The following ADNP variants were observed in gnomAD, a reference collection of about 807,000 sequenced individuals.
The protein encoded by ADNP is activity dependent neuroprotector homeobox, also known as activity-dependent neuroprotector homeobox protein.
Under a neutral mutation model 84.9 loss-of-function variants are expected in ADNP, and 4 were observed. That is an observed-to-expected ratio of 0.05 (90% CI 0.02 to 0.11). The LOEUF is 0.11. Ranked by LOEUF, ADNP falls within the 10% of genes least tolerant of loss-of-function variation. The pLI is 1.00. For synonymous variants in ADNP, 554 were observed against 468.1 expected (o/e 1.18, Z -2.37); for missense variants, 1,132 against 1,326.0 (o/e 0.85, Z 2.27).
At chr20:50,898,129 G>A (rs1981603822) in intron 5 of ADNP, among the ~76,000 whole-genome samples, 1 of 152,180 alleles carries the variant, frequency 6.6e-6, no homozygotes. Flanking sequence ...TTCCAGAATA[G>A]AAAGGTTTCA....
Position 50,894,641 on chromosome 20 carries a change from T to C in ADNP, c.202-129A>G, listed in dbSNP as rs1261380114. The C allele has an allele frequency of 1.4e-5, 14 of 1,009,188 alleles. No individual in the cohort carries two copies. In the East Asian group the frequency reaches 3.8e-4, roughly 27 times the overall value. 62.5% of individuals were successfully genotyped at this position (1,009,188 alleles called of 1,614,324 possible). A position where few individuals can be genotyped will look rare whatever the true frequency, so the allele number is the denominator to read the frequency against. Reference sequence around the variant, plus strand: ...CGCGCGTGGTGGCTCACGCCTGTAATCCCAGCACTTTGGGAGGCTGAGGTG... The same window carrying C: ...CGCGCGTGGTGGCTCACGCCTGTAACCCCAGCACTTTGGGAGGCTGAGGTG... On this transcript the variant is annotated intron_variant, in intron 5 of 5. Coordinates refer to ENST00000621696, the MANE Select transcript of ADNP (RefSeq NM_001282531.3).
chr20:50,907,549 GCAC>G (rs1393018485), intron 2 of ADNP, among the ~76,000 whole-genome samples: 3 of 152,104 alleles, frequency 2.0e-5, no homozygotes, highest in Admixed American at 2.0e-4. Context: ...TTACAGGCGT[GCAC>G]CACCATGCCT....
At chr20:50,898,951 CTA>C (rs759410052) in intron 5 of ADNP, among the ~76,000 whole-genome samples, 7 of 152,200 alleles carry the variant, frequency 4.6e-5, no homozygotes, top group Non-Finnish European at 8.8e-5. Flanking sequence ...GCATATGGGA[CTA>C]TGTTCCCCCA....
Position 50,891,834 on chromosome 20 carries a change from G to A in ADNP, c.2880C>T (p.Asp960=), listed in dbSNP as rs534353954. The part of the protein sequence containing the change: ...HNASDSEVDQ[D]DVVEWKDGAS... The stretch of plus-strand genomic sequence containing the variant: ...CACCGTCTTTCCACTCAACAACATC[G>A]TCTTGGTCAACCTCACTATCAGATG... The change falls in exon 6 of 6, where the codon GAC becomes GAT. Residue 960 remains aspartate, a synonymous_variant. Coordinates refer to ENST00000621696, the MANE Select transcript of ADNP (RefSeq NM_001282531.3). 19 of 1,614,188 alleles carry A rather than the reference G, an allele frequency of 1.2e-5. No homozygotes were observed. The highest frequency in any genetic ancestry group is 8.8e-5 in the South Asian group (8 of 91,078).
In ADNP at chr20:50,897,309, G is replaced by A. The variant is rs1002410021; in HGVS notation, c.202-2797C>T. Among the ~76,000 whole-genome samples the A allele has an allele frequency of 2.0e-5, 3 of 152,242 alleles. No individual in the cohort carries two copies. The Middle Eastern group carries it at 0.01, about 518-fold the overall frequency. On this transcript the variant is annotated intron_variant, in intron 5 of 5. Coordinates refer to ENST00000621696, the MANE Select transcript of ADNP (RefSeq NM_001282531.3). ...AAATCCTTCACTGAATTTTCTTGAG[G>A]GTTCTTCTTTTGCTTTTCCTGCAGT...
intron 2 of ADNP, chr20:50,913,959 G>T: frequency 1.4e-6 from 1 of 710,050 alleles, no homozygotes; most frequent in Non-Finnish European, 2.6e-6. Context: ...CTCCTCTTCA[G>T]ACTGCTGTTT....
chr20:50,911,500 CTTTT>C (rs1983030798), intron 2 of ADNP, among the ~76,000 whole-genome samples: 1 of 148,468 alleles, frequency 6.7e-6, no homozygotes. Context: ...ACCCAGATTT[CTTTT>C]CTTTTCTTTT....
rs1345554787 is a variant in ADNP, at chr20:50,891,291, CCA to C, written c.*112_*113del. The C allele has an allele frequency of 3.5e-6, 5 of 1,432,772 alleles. No individual in the cohort carries two copies. The highest frequency in any genetic ancestry group is 2.7e-6 in the Non-Finnish European group (3 of 1,099,420). 88.8% of individuals were successfully genotyped at this position (1,432,772 alleles called of 1,614,324 possible). A position where few individuals can be genotyped will look rare whatever the true frequency, so the allele number is the denominator to read the frequency against. ...ACTGGAACTGCAGCGGCCACATGCC[CCA>C]CAGTCCAACCAGTACTCACAAGGCA... On this transcript the variant is annotated 3_prime_UTR_variant, in exon 6 of 6. Coordinates refer to ENST00000621696, the MANE Select transcript of ADNP (RefSeq NM_001282531.3).
In ADNP at chr20:50,905,676, C is replaced by T. The variant is rs528572200; in HGVS notation, c.-89-827G>A. 1.3e-4 allele frequency: 20 copies of T among 152,238 alleles called. No homozygotes were observed. The East Asian group carries it at 3.9e-3, about 29-fold the overall frequency. The allele number at this position is 152,238 out of a possible 1,614,324, so 9.4% of individuals were successfully genotyped here. ...AAGTATTTCAAAAAAACCTTCTAGGCCTTATCATACTCAAGATAGAATTGC... is the reference window on the plus strand; with the variant it reads ...AAGTATTTCAAAAAAACCTTCTAGGTCTTATCATACTCAAGATAGAATTGC... On this transcript the variant is annotated intron_variant, in intron 2 of 5. Transcript: ENST00000621696.
intron 2 of ADNP, among the ~76,000 whole-genome samples, chr20:50,924,979 C>T (rs887833710): frequency 5.3e-5 from 8 of 152,114 alleles, no homozygotes; most frequent in African/African-American, 1.9e-4. Context: ...TTTTCTAAAT[C>T]TTTATTTCCA....
intron 5 of ADNP, among the ~76,000 whole-genome samples, chr20:50,900,522 T>A (rs1240217825): frequency 1.3e-5 from 2 of 152,206 alleles, no homozygotes; most frequent in Non-Finnish European, 2.9e-5. Flanking sequence ...TACATTAGTA[T>A]CACTACAAAC....
At position 50,891,460 on chromosome 20, in the gene ADNP, GCTACTC is replaced by G. The variant is rs1980698622; in HGVS notation, c.3248_3253del (p.Gly1083_Val1084del). ...GGCTAAGCTGCCATGCATGGGCTCA[GCTACTC>G]CATCAGTCATGTTGTCAAACTGTTC... is the stretch of plus-strand genomic sequence containing the variant. On this transcript the variant is annotated inframe_deletion, in exon 6 of 6. Coordinates refer to ENST00000621696, the MANE Select transcript of ADNP (RefSeq NM_001282531.3). The G allele has an allele frequency of 1.2e-6, 2 of 1,612,764 alleles. No individual in the cohort carries two copies. Among genetic ancestry groups the G allele is most frequent in the East Asian group, 4.5e-5 (2 of 44,890 alleles).
At position 50,893,580 on chromosome 20, in the gene ADNP, A is replaced by AT; in HGVS notation, c.1133dup (p.Tyr378Ter). Reference protein sequence around the residue: ...QLLPSGNGRSYGLGSEQRSQA... With the variant: ...QLLPSGNGRS ...GGGACCTCTGCTCTGACCCAAGCCC[A>AT]TAAGACCTTCCGTTTCCACTTGGAA... Residue 378 changes from tyrosine to a stop codon, truncating the protein, a stop_gained and frameshift_variant, in exon 6 of 6, where the codon TAT (tyrosine) becomes TAAT (stop). Coordinates refer to ENST00000621696, the MANE Select transcript of ADNP (RefSeq NM_001282531.3). LOFTEE classifies it high-confidence loss of function. This position sits in a 1 kb window ranked among gnomAD's most constrained non-coding sequence, Gnocchi z 4.4. 6.2e-7 allele frequency: 1 copy of AT among 1,614,162 alleles called. No individual in the cohort carries two copies.
chr20:50,891,065 T>G lies in ADNP; in HGVS notation c.*340A>C. 5.5e-6 allele frequency: 6 copies of G among 1,095,146 alleles called. No homozygotes were observed. In the South Asian group the frequency reaches 1.8e-4, roughly 33 times the overall value. 67.8% of individuals were successfully genotyped at this position (1,095,146 alleles called of 1,614,324 possible). A position where few individuals can be genotyped will look rare whatever the true frequency, so the allele number is the denominator to read the frequency against. On this transcript the variant is annotated 3_prime_UTR_variant, in exon 6 of 6. Transcript: ENST00000621696. ...GCCCTACACTACCATGTGAATTAGT[T>G]TAACACTTCTCAAAGACATCTGACC... is the stretch of plus-strand genomic sequence containing the variant.
chr20:50,915,383 A>G (rs961343747), intron 2 of ADNP, among the ~76,000 whole-genome samples: 1 of 152,208 alleles, frequency 6.6e-6, no homozygotes, highest in Non-Finnish European at 1.5e-5. Flanking sequence ...CTACATTTAA[A>G]TCAAACCAGT....
chr20:50,904,100 CA>C (rs1161978571), intron 3 of ADNP, 99 bp from the exon 4 acceptor site: 6 of 863,600 alleles, frequency 6.9e-6, no homozygotes, highest in Non-Finnish European at 1.1e-5. Flanking sequence ...ACCCATCTGA[CA>C]AAAAAGGTGC....
rs1980383994 is a variant in ADNP, at chr20:50,889,165, ACT to A, written c.*2238_*2239del. On this transcript the variant is annotated 3_prime_UTR_variant, in exon 6 of 6. Transcript: ENST00000621696. ...CCCTTTTCTGAATGCCAAAAGGCAC[ACT>A]CTCACCACCTTAATGAGGAAACACA... 6.6e-6 allele frequency: 1 copy of A among 152,040 alleles called. No individual in the cohort carries two copies. Among genetic ancestry groups the A allele is most frequent in the South Asian group, 2.1e-4 (1 of 4,822 alleles). The allele number at this position is 152,040 out of a possible 1,614,324, so 9.4% of individuals were successfully genotyped here.
In ADNP at chr20:50,921,814, G is replaced by A. The variant is rs77301835; in HGVS notation, c.-90+6837C>T. 2.3e-3 allele frequency among the ~76,000 whole-genome samples: 354 copies of A among 152,332 alleles called. 2 individuals are homozygous for A. The highest frequency in any genetic ancestry group is 7.3e-3 in the African/African-American group (305 of 41,578). ...TTCACCTAAAATTGTATTTGAAAGC[G>A]GGGGAAGATGCCTCGGTACTTAAAC... On this transcript the variant is annotated intron_variant, in intron 2 of 5. Transcript: ENST00000621696.
Position 50,929,744 on chromosome 20 carries a change from C to G in ADNP, c.-264-919G>C, listed in dbSNP as rs1369877897. Among the ~76,000 whole-genome samples, 3 of 151,144 alleles carry G rather than the reference C, an allele frequency of 2.0e-5. No homozygotes were observed. In the East Asian group the frequency reaches 5.8e-4, roughly 29 times the overall value. ...TTTTTTTTTTTTCATTCTGAAGGTT[C>G]AAGATACAGGCACAAGAAGCATCAG... is the stretch of plus-strand genomic sequence containing the variant. On this transcript the variant is annotated intron_variant, in intron 1 of 5. Transcript: ENST00000621696.
Sources: allele counts gnomAD v4.1 joint callset (sites outside exome capture counted in the v4.1 genomes callset), GRCh38; gene constraint gnomAD v4.1.1; non-coding constraint Gnocchi (gnomAD v3.1); transcripts MANE v1.5; gene names NCBI Gene and HGNC (gene_info 2026-07-23, HGNC 2026-07-21).